TMEM238L: variants seen among roughly 807,000 people sequenced by gnomAD.
The protein encoded by TMEM238L is transmembrane protein 238-like.
At position 10,798,685 on chromosome 17, in the gene TMEM238L, G is replaced by A. The variant is rs148441881; in HGVS notation, c.*119-2737C>T. The stretch of plus-strand genomic sequence containing the variant: ...TGGGTGTGTTTGTTTCTGTGAGTGT[G>A]TGTTTCTGGATGTGTGTGGTAGGTG... On this transcript the variant is annotated intron_variant, in intron 1 of 1. Coordinates refer to ENST00000581851, the Ensembl canonical transcript of TMEM238L. Among the ~76,000 whole-genome samples, 6 of 152,084 alleles carry A rather than the reference G, an allele frequency of 3.9e-5. No individual in the cohort carries two copies. The South Asian group carries it at 6.2e-4, about 16-fold the overall frequency.
chr17:10,797,454 A>G (rs1411233248), intron 1 of TMEM238L, among the ~76,000 whole-genome samples: 1 of 133,492 alleles, frequency 7.5e-6, no homozygotes, highest in Non-Finnish European at 1.5e-5. Flanking sequence ...TTCTCTCTAC[A>G]TCCTCACCCT....
At chr17:10,799,950 G>A (rs1321252071) in intron 1 of TMEM238L, among the ~76,000 whole-genome samples, 1 of 120,780 alleles carries the variant, frequency 8.3e-6, no homozygotes, top group Admixed American at 8.3e-5. Flanking sequence ...TTTTTTTTTT[G>A]AGACGGAGTC....
chr17:10,794,955 A>C (rs1315182088), exon 2 of TMEM238L: 1 of 152,182 alleles, frequency 6.6e-6, no homozygotes, highest in Non-Finnish European at 1.5e-5. Context: ...TATTTAGGTA[A>C]CCACCTCATA....
intron 1 of TMEM238L, among the ~76,000 whole-genome samples, chr17:10,797,637 GC>G (rs1904603760): frequency 6.6e-6 from 1 of 152,038 alleles, no homozygotes; most frequent in Admixed American, 6.5e-5. Flanking sequence ...ACAAACTCAT[GC>G]CTTTTTCTGA....
chr17:10,798,582 G>T (rs1039258833), intron 1 of TMEM238L, among the ~76,000 whole-genome samples: 4 of 152,140 alleles, frequency 2.6e-5, no homozygotes, highest in Admixed American at 2.6e-4. Context: ...TTTTGGCTTT[G>T]GTTGGTGTGA....
intron 1 of TMEM238L, among the ~76,000 whole-genome samples, chr17:10,801,243 G>A (rs1904737609): frequency 6.6e-6 from 1 of 152,050 alleles, no homozygotes; most frequent in Non-Finnish European, 1.5e-5. Context: ...GTAGAGACAG[G>A]GTTTCACTGT....
At chr17:10,802,980 TGTGAGTGTGA>T (rs1012161843) in intron 1 of TMEM238L, among the ~76,000 whole-genome samples, 3 of 152,008 alleles carry the variant, frequency 2.0e-5, no homozygotes, top group Non-Finnish European at 2.9e-5. Flanking sequence ...GTTGGCTGCG[TGTGAGTGTGA>T]GTGAGGGTGG....
chr17:10,795,943 T>C (rs1904528116), exon 2 of TMEM238L: 1 of 152,268 alleles, frequency 6.6e-6, no homozygotes, highest in Non-Finnish European at 1.5e-5. Context: ...CTCCATCAGA[T>C]GGGACCTGTG....
chr17:10,800,589 G>A (rs372580225), intron 1 of TMEM238L, among the ~76,000 whole-genome samples: 4 of 152,146 alleles, frequency 2.6e-5, no homozygotes, highest in Non-Finnish European at 2.9e-5. Context: ...TACCTGCATC[G>A]TGACTGACGC....
intron 1 of TMEM238L, among the ~76,000 whole-genome samples, chr17:10,799,941 T>TC (rs1466825726): frequency 6.6e-6 from 1 of 151,752 alleles, no homozygotes; most frequent in African/African-American, 2.4e-5. Context: ...CATCTTTTTT[T>TC]TTTTTTTTGA....
intron 1 of TMEM238L, among the ~76,000 whole-genome samples, chr17:10,797,485 C>T (rs1179929611): frequency 6.7e-6 from 1 of 148,784 alleles, no homozygotes. Context: ...ATCCACATGT[C>T]TCTAACCCCT....
chr17:10,798,265 A>G (rs1194499473), intron 1 of TMEM238L, among the ~76,000 whole-genome samples: 3 of 152,026 alleles, frequency 2.0e-5, no homozygotes. Flanking sequence ...GACTGTGCTT[A>G]TCTCCTGCAA....
intron 1 of TMEM238L, among the ~76,000 whole-genome samples, chr17:10,796,671 T>C (rs540433192): frequency 6.6e-6 from 1 of 152,364 alleles, no homozygotes; most frequent in East Asian, 1.9e-4. Flanking sequence ...CTTTGAAGTG[T>C]TTGATGGTCA....
exon 1 of TMEM238L, chr17:10,803,835 G>A: frequency 5.0e-6 from 2 of 399,638 alleles, no homozygotes; most frequent in Non-Finnish European, 8.8e-6. Flanking sequence ...AGAAGTCCCA[G>A]GAACTCAGGG....
chr17:10,803,460 G>T (rs1164455121), intron 1 of TMEM238L, 146 bp downstream of exon 1: 1 of 323,610 alleles, frequency 3.1e-6, no homozygotes, highest in Admixed American at 4.9e-5. Flanking sequence ...GGCCACCCCA[G>T]CAGGACCTGA....
At chr17:10,800,268 G>T (rs1331827320) in intron 1 of TMEM238L, among the ~76,000 whole-genome samples, 1 of 152,150 alleles carries the variant, frequency 6.6e-6, no homozygotes, top group African/African-American at 2.4e-5. Flanking sequence ...GAAGTAAAAT[G>T]ATTCGCCCAA....
At chr17:10,799,074 A>T (rs1904651033) in intron 1 of TMEM238L, among the ~76,000 whole-genome samples, 1 of 152,210 alleles carries the variant, frequency 6.6e-6, no homozygotes, top group South Asian at 2.1e-4. Flanking sequence ...CTCTCTCTGG[A>T]GAACCACGCA....
Position 10,801,940 on chromosome 17 carries a change from C to T in TMEM238L, c.*118+1666G>A, listed in dbSNP as rs528243061. On this transcript the variant is annotated intron_variant, in intron 1 of 1. Coordinates refer to ENST00000581851, the Ensembl canonical transcript of TMEM238L. ...GGGATTACAGGTGTGCATCACCATG[C>T]GTGGCTAATTTTTTGTATTTTTGGT... is the stretch of plus-strand genomic sequence containing the variant. Among the ~76,000 whole-genome samples the T allele has an allele frequency of 2.6e-5, 4 of 152,260 alleles. No individual in the cohort carries two copies. In the South Asian group the frequency reaches 6.2e-4, roughly 24 times the overall value.
chr17:10,800,137 T>C (rs965888954), intron 1 of TMEM238L, among the ~76,000 whole-genome samples: 1 of 152,086 alleles, frequency 6.6e-6, no homozygotes, highest in African/African-American at 2.4e-5. Flanking sequence ...TTTCACCGTG[T>C]TAGCCAGGAT....
Sources: allele counts gnomAD v4.1 joint callset (sites outside exome capture counted in the v4.1 genomes callset), GRCh38; gene constraint gnomAD v4.1.1; transcripts MANE v1.5; gene names NCBI Gene and HGNC (gene_info 2026-07-23, HGNC 2026-07-21).